Variants in ADCY2 observed in about 807,000 individuals in gnomAD.
ADCY2 encodes adenylate cyclase type 2.
Under a neutral mutation model 125.2 loss-of-function variants are expected in ADCY2, and 31 were observed. That is an observed-to-expected ratio of 0.25 (90% CI 0.19 to 0.33). The LOEUF (loss-of-function observed/expected upper bound fraction) is 0.33, where lower values mean the gene tolerates loss of function less well. ADCY2 is among the 10% of genes least tolerant of loss of function. The probability of loss-of-function intolerance (pLI) is 1.00; values close to 1 mark genes in which losing one functional copy is unlikely to be tolerated. For synonymous variants in ADCY2, 512 were observed against 548.4 expected, an observed-to-expected ratio of 0.93 and a Z score of 0.93; for missense variants, 904 against 1,418.2, an observed-to-expected ratio of 0.64 and a Z score of 5.82.
At chr5:7,550,650 C>T (rs924739725) in intron 3 of ADCY2, among the ~76,000 whole-genome samples, 7 of 152,176 alleles carry the variant, frequency 4.6e-5, no homozygotes, top group African/African-American at 1.7e-4. Flanking sequence ...CAGCCAGCAT[C>T]CCTGTGTCTT....
intron 2 of ADCY2, among the ~76,000 whole-genome samples, chr5:7,468,478 T>C (rs1742211044): frequency 6.6e-6 from 1 of 152,174 alleles, no homozygotes; most frequent in Non-Finnish European, 1.5e-5. Flanking sequence ...AATATATTCA[T>C]TTGTATTGCC....
chr5:7,541,635 G>A (rs1734999283), intron 3 of ADCY2, among the ~76,000 whole-genome samples: 1 of 152,186 alleles, frequency 6.6e-6, no homozygotes, highest in Non-Finnish European at 1.5e-5. Context: ...CACCTTTCAG[G>A]CGTCACCCTT....
chr5:7,804,731 C>T, intron 22 of ADCY2, 39 bp downstream of exon 22: 1 of 1,514,494 alleles, frequency 6.6e-7, no homozygotes. Context: ...AGGTGAGCCT[C>T]AACCCCATCC....
At chr5:7,455,995 A>G (rs34231886) in intron 2 of ADCY2, among the ~76,000 whole-genome samples, 4,989 of 150,984 alleles carry the variant, frequency 0.033, 99 homozygotes, top group South Asian at 0.06. Flanking sequence ...AATTGTAAAT[A>G]AAAATTTTAT....
intron 3 of ADCY2, among the ~76,000 whole-genome samples, chr5:7,541,737 G>A (rs1378506872): frequency 6.6e-6 from 1 of 152,200 alleles, no homozygotes; most frequent in Non-Finnish European, 1.5e-5. Context: ...GATGTCACAA[G>A]TCTGGAAGAG....
chr5:7,641,247 C>T (rs893085322), intron 4 of ADCY2, among the ~76,000 whole-genome samples: 3 of 152,144 alleles, frequency 2.0e-5, no homozygotes, highest in African/African-American at 7.2e-5. Context: ...TTGTAGATTA[C>T]ATGGCAGCCA....
In ADCY2 at chr5:7,531,961, T is replaced by G. The variant is rs199694540; in HGVS notation, c.570+11062T>G. 3.7e-3 allele frequency among the ~76,000 whole-genome samples: 560 copies of G among 152,362 alleles called. 1 individual carries two copies. The highest frequency in any genetic ancestry group is 5.6e-3 in the Non-Finnish European group (381 of 68,030). On this transcript the variant is annotated intron_variant, in intron 3 of 24. Transcript: ENST00000338316. Reference sequence around the variant, plus strand: ...GGTTATTGCAGACTGTTCCATGTATTCTTTAAGGCCAGAGAGTCTGTGGGG... The same window carrying G: ...GGTTATTGCAGACTGTTCCATGTATGCTTTAAGGCCAGAGAGTCTGTGGGG...
chr5:7,401,900 T>A (rs1429599864), intron 1 of ADCY2, among the ~76,000 whole-genome samples: 2 of 152,364 alleles, frequency 1.3e-5, no homozygotes, highest in East Asian at 3.9e-4. Context: ...CATACTCCAC[T>A]GGTATATGGG....
intron 7 of ADCY2, among the ~76,000 whole-genome samples, chr5:7,703,220 G>A (rs1471760233): frequency 1.3e-5 from 2 of 152,022 alleles, no homozygotes; most frequent in African/African-American, 4.8e-5. Flanking sequence ...CTGTGCAGAA[G>A]CTCTTTAATT....
At chr5:7,600,576 G>A (rs1737165329) in intron 3 of ADCY2, among the ~76,000 whole-genome samples, 1 of 152,190 alleles carries the variant, frequency 6.6e-6, no homozygotes, top group African/African-American at 2.4e-5. Flanking sequence ...CTTGCTGGTG[G>A]TGCTGAAAGC....
intron 3 of ADCY2, among the ~76,000 whole-genome samples, chr5:7,607,725 G>A (rs542786842): frequency 6.6e-6 from 1 of 152,328 alleles, no homozygotes; most frequent in South Asian, 2.1e-4. Flanking sequence ...ATATGATGGT[G>A]ATGTTTTTAT....
intron 14 of ADCY2, among the ~76,000 whole-genome samples, chr5:7,728,419 G>A (rs966341723): frequency 6.6e-6 from 1 of 152,198 alleles, no homozygotes; most frequent in Non-Finnish European, 1.5e-5. Context: ...TGTGGAAGGG[G>A]TTTCCAGTAG....
intron 2 of ADCY2, among the ~76,000 whole-genome samples, chr5:7,454,928 C>G (rs1277178090): frequency 6.6e-6 from 1 of 151,686 alleles, no homozygotes. Flanking sequence ...GTGATAAATC[C>G]CCCTCATGCA....
At chr5:7,549,198 A>G (rs1038937684) in intron 3 of ADCY2, among the ~76,000 whole-genome samples, 4 of 152,188 alleles carry the variant, frequency 2.6e-5, no homozygotes, top group African/African-American at 9.7e-5. Flanking sequence ...GATCCCTGTG[A>G]CTGACAGCAG....
intron 3 of ADCY2, among the ~76,000 whole-genome samples, chr5:7,551,129 T>G (rs1291606971): frequency 2.0e-5 from 3 of 151,418 alleles, no homozygotes; most frequent in Non-Finnish European, 4.4e-5. Context: ...CTTCTGATCC[T>G]TGTGTTCAAG....
At chr5:7,589,667 TC>T (rs2126623726) in intron 3 of ADCY2, among the ~76,000 whole-genome samples, 1 of 152,262 alleles carries the variant, frequency 6.6e-6, no homozygotes, top group East Asian at 1.9e-4. Flanking sequence ...TAAATTCTGC[TC>T]CTGTTTTCCT....
chr5:7,607,764 G>A (rs1737429671), intron 3 of ADCY2, among the ~76,000 whole-genome samples: 1 of 152,230 alleles, frequency 6.6e-6, no homozygotes, highest in Non-Finnish European at 1.5e-5. Flanking sequence ...AAGCATTGGT[G>A]AACTTTGTGT....
chr5:7,701,626 T>C (rs771617758), intron 7 of ADCY2, among the ~76,000 whole-genome samples: 6 of 152,206 alleles, frequency 3.9e-5, no homozygotes, highest in Non-Finnish European at 5.9e-5. Context: ...ACAGAAATTC[T>C]GTACCCATTA....
At chr5:7,702,111 G>A (rs1333833181) in intron 7 of ADCY2, among the ~76,000 whole-genome samples, 1 of 152,074 alleles carries the variant, frequency 6.6e-6, no homozygotes, top group African/African-American at 2.4e-5. Context: ...GTTATTTTGG[G>A]CTGGGCATGG....
Sources: gnomAD v4.1 joint callset for allele counts (sites outside exome capture counted in the v4.1 genomes callset) on GRCh38, gnomAD v4.1.1 for gene constraint, MANE v1.5 for transcripts, NCBI Gene and HGNC (gene_info 2026-07-23, HGNC 2026-07-21) for gene names.